DAAM1: variants seen among roughly 807,000 people sequenced by gnomAD.
DAAM1 encodes the protein disheveled-associated activator of morphogenesis 1.
Under a neutral mutation model 130.0 loss-of-function variants are expected in DAAM1, and 52 were observed. The observed-to-expected ratio is 0.40, with a 90% confidence interval of 0.32 to 0.50. The LOEUF is 0.50. Ranked by LOEUF, DAAM1 falls within the 20% of genes least tolerant of loss-of-function variation. The pLI, the probability that DAAM1 is intolerant of heterozygous loss-of-function variation, is 0.61. For missense variants in DAAM1, 1,134 were observed against 1,303.8 expected (o/e 0.87, Z 2.01); for synonymous variants, 452 against 444.5 (o/e 1.02, Z -0.21).
At chr14:59,233,034 A>G (rs1048818824) in intron 1 of DAAM1, among the ~76,000 whole-genome samples, 1 of 152,188 alleles carries the variant, frequency 6.6e-6, no homozygotes, top group African/African-American at 2.4e-5. Flanking sequence ...TATCTAGTCT[A>G]TTATTGATGG....
At chr14:59,344,052 G>C (rs1885963019) in intron 16 of DAAM1, among the ~76,000 whole-genome samples, 1 of 152,132 alleles carries the variant, frequency 6.6e-6, no homozygotes, top group African/African-American at 2.4e-5. Context: ...CAAAGGCCTG[G>C]GGGTGGCAGC....
intron 17 of DAAM1, 83 bp from the exon 18 acceptor site, chr14:59,352,443 G>T: frequency 9.9e-7 from 1 of 1,010,018 alleles, no homozygotes; most frequent in Non-Finnish European, 1.5e-6. Context: ...TTTATCTTGG[G>T]ACAGATTAAC....
chr14:59,306,503 C>T (rs1161581521), intron 3 of DAAM1, among the ~76,000 whole-genome samples: 1 of 152,126 alleles, frequency 6.6e-6, no homozygotes, highest in Non-Finnish European at 1.5e-5. Flanking sequence ...AGTATTAATG[C>T]TATCACAGAG....
intron 1 of DAAM1, among the ~76,000 whole-genome samples, chr14:59,223,971 G>T (rs1367076936): frequency 6.6e-6 from 1 of 152,174 alleles, no homozygotes; most frequent in African/African-American, 2.4e-5. Context: ...TCAGTGTAAT[G>T]GTCCAGTGTG....
chr14:59,201,634 C>T (rs535552883), intron 1 of DAAM1, among the ~76,000 whole-genome samples: 73 of 151,932 alleles, frequency 4.8e-4, no homozygotes, highest in African/African-American at 1.7e-3. Context: ...GCCTCACCCC[C>T]CTTCTAAAAA....
intron 2 of DAAM1, chr14:59,265,781 C>T (rs1882408849): frequency 6.6e-6 from 1 of 152,296 alleles, no homozygotes; most frequent in African/African-American, 2.4e-5. Context: ...CTGCTCCTTC[C>T]TGTCTTCTGT....
Position 59,370,879 on chromosome 14 carries a change from A to G in DAAM1, c.*2020A>G, listed in dbSNP as rs1222102620. On this transcript the variant is annotated 3_prime_UTR_variant, in exon 25 of 25. Transcript: ENST00000360909. ...TAAATTTGGTCTGGCTCAGTTTTGG[A>G]ACTGTATTTTGAAAATGGCTTTGTC... The G allele has an allele frequency of 6.6e-6, 1 of 151,998 alleles. No individual in the cohort carries two copies. The highest frequency in any genetic ancestry group is 1.5e-5 in the Non-Finnish European group (1 of 67,972). 9.4% of individuals were successfully genotyped at this position (151,998 alleles called of 1,614,324 possible).
chr14:59,200,931 G>A (rs891918080), intron 1 of DAAM1, among the ~76,000 whole-genome samples: 1 of 152,144 alleles, frequency 6.6e-6, no homozygotes, highest in Non-Finnish European at 1.5e-5. Flanking sequence ...GGAGGCCAAG[G>A]CGGGCGGATC....
intron 3 of DAAM1, among the ~76,000 whole-genome samples, chr14:59,293,391 C>G (rs188234038): frequency 5.9e-5 from 9 of 152,310 alleles, no homozygotes; most frequent in Admixed American, 3.9e-4. Context: ...CCACACCTAT[C>G]GAATCCCCTT....
In DAAM1 at chr14:59,369,729, A is replaced by ATTCTC. The variant is rs1887078057; in HGVS notation, c.*872_*876dup. On this transcript the variant is annotated 3_prime_UTR_variant, in exon 25 of 25. Transcript: ENST00000360909. ...ATCTCACCCAAGACTTAAAGGAAGA[A>ATTCTC]TTCTCTGAAGGGATAAAGATTACTA... 7.3e-6 allele frequency: 1 copy of ATTCTC among 137,832 alleles called. No homozygotes were observed. Among genetic ancestry groups the ATTCTC allele is most frequent in the Non-Finnish European group, 1.5e-5 (1 of 65,742 alleles). The allele number at this position is 137,832 out of a possible 1,614,324, so 8.5% of individuals were successfully genotyped here. A position where few individuals can be genotyped will look rare whatever the true frequency, so the allele number is the denominator to read the frequency against.
In DAAM1 at chr14:59,330,805, T is replaced by C. The variant is rs368729905; in HGVS notation, c.1560+117T>C. The stretch of plus-strand genomic sequence containing the variant: ...AATAAAATCTGAAATGGCTCATGAT[T>C]CATCACAATTAGGAGACTCACTCCC... On this transcript the variant is annotated intron_variant, in intron 13 of 24. Transcript: ENST00000360909. The C allele has an allele frequency of 5.5e-4, 588 of 1,073,270 alleles. 1 individual carries two copies. Among genetic ancestry groups the C allele is most frequent in the South Asian group, 1.2e-3 (62 of 52,394 alleles). 66.5% of individuals were successfully genotyped at this position (1,073,270 alleles called of 1,614,324 possible).
intron 2 of DAAM1, among the ~76,000 whole-genome samples, chr14:59,277,557 A>G (rs1002708954): frequency 4.0e-5 from 6 of 151,572 alleles, no homozygotes; most frequent in Admixed American, 1.3e-4. Context: ...ATCATCTCCA[A>G]GAAGAAGAGC....
intron 3 of DAAM1, among the ~76,000 whole-genome samples, chr14:59,293,298 C>A (rs891384079): frequency 2.6e-5 from 4 of 152,218 alleles, no homozygotes; most frequent in Admixed American, 2.6e-4. Flanking sequence ...ATCATGGAAA[C>A]TACTGCCCCT....
At chr14:59,272,336 T>C (rs1275166761) in intron 2 of DAAM1, among the ~76,000 whole-genome samples, 6 of 152,160 alleles carry the variant, frequency 3.9e-5, no homozygotes, top group Non-Finnish European at 5.9e-5. Context: ...CCCAGCACTT[T>C]GGGAGACTAA....
At chr14:59,354,888 CT>C (rs1321455912) in intron 19 of DAAM1, among the ~76,000 whole-genome samples, 1 of 152,202 alleles carries the variant, frequency 6.6e-6, no homozygotes, top group Non-Finnish European at 1.5e-5. Context: ...TTCCTCAGTG[CT>C]TATGACTGAT....
intron 3 of DAAM1, 43 bp from the exon 4 acceptor site, chr14:59,315,237 G>T (rs1171628477): frequency 6.4e-6 from 10 of 1,570,496 alleles, no homozygotes; most frequent in Non-Finnish European, 7.9e-6. Flanking sequence ...GGTGCTGTGT[G>T]TATATGTTGG....
At position 59,331,253 on chromosome 14, in the gene DAAM1, A is replaced by C; in HGVS notation, c.1605A>C (p.Ala535=). ...ASIPGGPSPG[A]PGGPFPSSVP... ...TCCCAGGTGGACCCTCGCCTGGAGC[A>C]CCAGGAGGGCCCTTTCCTTCCTCTG... The change falls in exon 14 of 25, where the codon GCA becomes GCC. Residue 535 remains alanine, a synonymous_variant. Coordinates refer to ENST00000360909, the MANE Select transcript of DAAM1 (RefSeq NM_001270520.2). 1.2e-6 allele frequency: 2 copies of C among 1,612,982 alleles called. No individual in the cohort carries two copies. The highest frequency in any genetic ancestry group is 1.7e-6 in the Non-Finnish European group (2 of 1,179,986).
At chr14:59,327,402 C>T (rs199816081) in intron 12 of DAAM1, among the ~76,000 whole-genome samples, 1,239 of 58,340 alleles carry the variant, frequency 0.021, 1 homozygote, top group African/African-American at 0.028. Flanking sequence ...CACTTGGTTT[C>T]TTTTTTTTTT....
rs1885074531 is a variant in DAAM1, at chr14:59,323,011, C to T, written c.560C>T (p.Ala187Val). The change falls in exon 6 of 25, where the codon GCG (alanine) becomes GTG (valine). Residue 187 changes from alanine (A) to valine (V), a missense_variant. Transcript: ENST00000360909. Reference protein sequence around the residue: ...IHTSLIGCIKALMNNSQGRAH... With the variant: ...IHTSLIGCIKVLMNNSQGRAH... ...ACTTCTCTCATTGGCTGTATAAAGG[C>T]GTTAATGAACAACTCTCAAGGCCGG... is the stretch of plus-strand genomic sequence containing the variant. The T allele has an allele frequency of 1.9e-6, 3 of 1,614,068 alleles. No individual in the cohort carries two copies. Among genetic ancestry groups the T allele is most frequent in the Non-Finnish European group, 2.5e-6 (3 of 1,179,996 alleles).
Sources: allele counts gnomAD v4.1 joint callset (sites outside exome capture counted in the v4.1 genomes callset), GRCh38; gene constraint gnomAD v4.1.1; transcripts MANE v1.5; gene names NCBI Gene and HGNC (gene_info 2026-07-23, HGNC 2026-07-21).